RYR2: variants seen among roughly 807,000 people sequenced by gnomAD.
RYR2 encodes ryanodine receptor 2.
A neutral mutation model predicts 601.1 loss-of-function variants in RYR2; 227 were observed. The observed-to-expected ratio is 0.38, with a 90% confidence interval of 0.34 to 0.42. The LOEUF is 0.42. RYR2 is among the 10% of genes least tolerant of loss of function. The pLI, the probability that RYR2 is intolerant of heterozygous loss-of-function variation, is 1.00. For missense variants in RYR2, 4,646 were observed against 6,156.5 expected (o/e 0.75, Z 8.21); for synonymous variants, 2,223 against 2,175.1 (o/e 1.02, Z -0.61).
At chr1:237,428,899 A>T (rs1307000683) in intron 12 of RYR2, among the ~76,000 whole-genome samples, 4 of 152,130 alleles carry the variant, frequency 2.6e-5, no homozygotes, top group Non-Finnish European at 4.4e-5. Flanking sequence ...GTATTAGGAG[A>T]TATCAAGTCA....
intron 1 of RYR2, among the ~76,000 whole-genome samples, chr1:237,054,430 G>A (rs80255718): frequency 0.011 from 1,718 of 150,530 alleles, 30 homozygotes; most frequent in African/African-American, 0.039. Flanking sequence ...GTCCATTTAG[G>A]TTATCTGTGC....
In RYR2 at chr1:237,793,847, T is replaced by A; in HGVS notation, c.13783-20T>A. On this transcript the variant is annotated intron_variant, in intron 94 of 104. Transcript: ENST00000366574. ...CAGTAAATCTAAACTAATTTTAACG[T>A]ATTTATTTTTCCTATGTAGGTCCCA... The A allele has an allele frequency of 6.3e-7, 1 of 1,575,196 alleles. No individual in the cohort carries two copies. Among genetic ancestry groups the A allele is most frequent in the Non-Finnish European group, 8.7e-7 (1 of 1,149,498 alleles).
At chr1:237,398,680 G>A (rs1004107901) in intron 10 of RYR2, among the ~76,000 whole-genome samples, 5 of 152,192 alleles carry the variant, frequency 3.3e-5, no homozygotes, top group African/African-American at 9.7e-5. Context: ...AAACATTTTG[G>A]CAGTTTCTTA....
At chr1:237,182,683 C>T (rs1022644945) in intron 1 of RYR2, among the ~76,000 whole-genome samples, 6 of 152,100 alleles carry the variant, frequency 3.9e-5, no homozygotes, top group African/African-American at 9.7e-5. Flanking sequence ...TTAGTTACAA[C>T]GGTATACTAG....
intron 2 of RYR2, among the ~76,000 whole-genome samples, chr1:237,291,159 T>C (rs147512460): frequency 2.0e-5 from 3 of 152,282 alleles, no homozygotes; most frequent in African/African-American, 7.2e-5. Context: ...AGGCCAACTC[T>C]TGCACTTGGG....
chr1:237,055,780 G>A (rs1661921672), intron 1 of RYR2, among the ~76,000 whole-genome samples: 1 of 152,156 alleles, frequency 6.6e-6, no homozygotes, highest in African/African-American at 2.4e-5. Flanking sequence ...TGGGAAATAG[G>A]GTCTTTACAG....
chr1:237,060,382 T>G (rs987399176), intron 1 of RYR2, among the ~76,000 whole-genome samples: 2 of 152,226 alleles, frequency 1.3e-5, no homozygotes, highest in African/African-American at 2.4e-5. Context: ...TAAATCTTTC[T>G]TAAGTAACTT....
rs547477805 is a variant in RYR2 at position 237,166,319 on chromosome 1, T to C, written c.49-104178T>C. ...TAGACAGCACCAGCAATAAAACAGATACTTTCTGCATGAGTGTGTTGGGAG... is the reference window on the plus strand; with the variant it reads ...TAGACAGCACCAGCAATAAAACAGACACTTTCTGCATGAGTGTGTTGGGAG... On this transcript the variant is annotated intron_variant, in intron 1 of 104. Coordinates refer to ENST00000366574, the MANE Select transcript of RYR2 (RefSeq NM_001035.3). Among the ~76,000 whole-genome samples, 8 of 152,354 alleles carry C rather than the reference T, an allele frequency of 5.3e-5. No individual in the cohort carries two copies. The East Asian group carries it at 1.5e-3, about 29-fold the overall frequency.
At chr1:237,812,352 G>A (rs1661341666) in intron 100 of RYR2, among the ~76,000 whole-genome samples, 1 of 152,136 alleles carries the variant, frequency 6.6e-6, no homozygotes, top group East Asian at 1.9e-4. Flanking sequence ...AATTTGCATG[G>A]TAAGCACCTT....
intron 91 of RYR2, among the ~76,000 whole-genome samples, chr1:237,787,421 C>G (rs142263094): frequency 6.6e-6 from 1 of 151,726 alleles, no homozygotes; most frequent in Non-Finnish European, 1.5e-5. Context: ...AACCCCATCT[C>G]TACTAAAAAT....
At chr1:237,425,903 G>C (rs1195672959) in intron 12 of RYR2, among the ~76,000 whole-genome samples, 1 of 151,976 alleles carries the variant, frequency 6.6e-6, no homozygotes, top group African/African-American at 2.4e-5. Flanking sequence ...TTCATTTGAG[G>C]ATGTATAGTA....
chr1:237,738,466 AC>A (rs1166850092), intron 79 of RYR2, among the ~76,000 whole-genome samples: 6 of 152,034 alleles, frequency 3.9e-5, no homozygotes, highest in Non-Finnish European at 1.5e-5. Flanking sequence ...ACACAAAGAA[AC>A]CATCATTCTA....
At chr1:237,328,490 A>T (rs993796601) in intron 2 of RYR2, among the ~76,000 whole-genome samples, 1 of 152,152 alleles carries the variant, frequency 6.6e-6, no homozygotes, top group African/African-American at 2.4e-5. Flanking sequence ...GCCAGATTTG[A>T]GAGGACTCTT....
intron 35 of RYR2, among the ~76,000 whole-genome samples, chr1:237,609,729 G>A (rs74147118): frequency 2.0e-5 from 3 of 151,896 alleles, no homozygotes; most frequent in Non-Finnish European, 1.5e-5. Context: ...TAAAATTGCT[G>A]CCCTTGATTC....
Position 237,046,547 on chromosome 1 carries a change from C to T in RYR2, c.48+3978C>T, listed in dbSNP as rs140125129. Among the ~76,000 whole-genome samples, 421 of 152,234 alleles carry T rather than the reference C, an allele frequency of 2.8e-3. 3 individuals carry two copies. Among genetic ancestry groups the T allele is most frequent in the African/African-American group, 9.7e-3 (401 of 41,524 alleles). ...ATTTTCCCAAGGAACTGATGGAAAG[C>T]CCACCCAGGCTTACATCATCAGACT... On this transcript the variant is annotated intron_variant, in intron 1 of 104. Transcript: ENST00000366574.
intron 24 of RYR2, among the ~76,000 whole-genome samples, chr1:237,516,984 A>G (rs1184115058): frequency 2.0e-5 from 3 of 152,138 alleles, no homozygotes; most frequent in African/African-American, 7.2e-5. Flanking sequence ...GCATTCATTC[A>G]TATTTTGCTT....
chr1:237,163,041 T>C (rs1239034947), intron 1 of RYR2, among the ~76,000 whole-genome samples: 1 of 152,204 alleles, frequency 6.6e-6, no homozygotes, highest in East Asian at 1.9e-4. Flanking sequence ...GTACTCTTTA[T>C]GGACTAGAGA....
At chr1:237,432,787 C>G (rs1259740660) in intron 12 of RYR2, among the ~76,000 whole-genome samples, 1 of 151,862 alleles carries the variant, frequency 6.6e-6, no homozygotes, top group Non-Finnish European at 1.5e-5. Flanking sequence ...TCTGTCATCA[C>G]TATCATTATC....
At position 237,344,068 on chromosome 1, in the gene RYR2, C is replaced by T. The variant is rs571566870; in HGVS notation, c.274-11897C>T. 2.0e-4 allele frequency among the ~76,000 whole-genome samples: 31 copies of T among 152,282 alleles called. No homozygotes were observed. In the South Asian group the frequency reaches 5.8e-3, roughly 29 times the overall value. ...GAACTCCTTACCTCAGGTAATCCGC[C>T]GGCCTTGGCCTCCCAAAGTGCTGGG... On this transcript the variant is annotated intron_variant, in intron 3 of 104. Transcript: ENST00000366574.
Sources: gnomAD v4.1 joint callset for allele counts (sites outside exome capture counted in the v4.1 genomes callset) on GRCh38, gnomAD v4.1.1 for gene constraint, MANE v1.5 for transcripts, NCBI Gene and HGNC (gene_info 2026-07-23, HGNC 2026-07-21) for gene names.